The following CLTCL1 variants were observed in gnomAD, a reference collection of about 807,000 sequenced individuals.
CLTCL1 encodes the protein clathrin heavy chain 2.
A neutral mutation model predicts 190.0 loss-of-function variants in CLTCL1; 159 were observed. That is an observed-to-expected ratio of 0.84 (90% CI 0.74 to 0.95). The LOEUF is 0.95. Among genes scored for constraint, CLTCL1 ranks in the 40% least tolerant of loss-of-function variants. The pLI, the probability that CLTCL1 is intolerant of heterozygous loss-of-function variation, is 0.00. For synonymous variants in CLTCL1, 752 were observed against 769.6 expected, an observed-to-expected ratio of 0.98 and a Z score of 0.38; for missense variants, 1,878 against 2,033.4, an observed-to-expected ratio of 0.92 and a Z score of 1.47.
intron 4 of CLTCL1, among the ~76,000 whole-genome samples, chr22:19,242,325 T>C (rs1555965764): frequency 2.0e-5 from 3 of 151,682 alleles, no homozygotes; most frequent in Middle Eastern, 3.4e-3. Context: ...AGTCTCACTG[T>C]GTAGCCCAAG....
chr22:19,265,797 C>T (rs956574293), intron 2 of CLTCL1, among the ~76,000 whole-genome samples: 6 of 152,124 alleles, frequency 3.9e-5, no homozygotes, highest in South Asian at 2.1e-4. Flanking sequence ...GGCAGCTGTG[C>T]GCATGTTCCT....
chr22:19,228,534 A>G (rs1555957263), intron 11 of CLTCL1, among the ~76,000 whole-genome samples: 1 of 152,226 alleles, frequency 6.6e-6, no homozygotes, highest in East Asian at 1.9e-4. Flanking sequence ...GCAAATTAAC[A>G]GTACTTTTAT....
chr22:19,193,242 C>A lies in CLTCL1; in HGVS notation c.4192-1807G>T, dbSNP rs541258016. On this transcript the variant is annotated intron_variant, in intron 26 of 32. Transcript: ENST00000427926. ...CACCTGGTACCATGTGCACTCTTGGCCCTTTCAACAGGTCCATGCAGCATG... is the reference window on the plus strand; with the variant it reads ...CACCTGGTACCATGTGCACTCTTGGACCTTTCAACAGGTCCATGCAGCATG... Among the ~76,000 whole-genome samples, 683 of 152,328 alleles carry A rather than the reference C, an allele frequency of 4.5e-3. 5 individuals carry two copies. The highest frequency in any genetic ancestry group is 7.2e-3 in the Non-Finnish European group (488 of 68,032).
chr22:19,238,665 A>C (rs1270059191), intron 5 of CLTCL1: 1 of 184,336 alleles, frequency 5.4e-6, no homozygotes, highest in African/African-American at 2.3e-5. Context: ...GTGTTTTCCC[A>C]ACCTTCTTGA....
chr22:19,196,793 T>C, intron 24 of CLTCL1, 137 bp from the exon 25 acceptor site: 1 of 926,414 alleles, frequency 1.1e-6, no homozygotes, highest in Non-Finnish European at 1.6e-6. Context: ...AGAAAACGTG[T>C]ATACATACTG....
At chr22:19,235,895 T>A in intron 5 of CLTCL1, 26 bp from the exon 6 acceptor site, 1 of 1,599,474 alleles carries the variant, frequency 6.3e-7, no homozygotes. Flanking sequence ...GAGCAAGAGG[T>A]TGGAAAGTAA....
At chr22:19,285,317 C>G (rs1258521526) in intron 1 of CLTCL1, among the ~76,000 whole-genome samples, 7 of 151,978 alleles carry the variant, frequency 4.6e-5, no homozygotes, top group African/African-American at 9.7e-5. Context: ...TACCAAAGAG[C>G]CTTTCCTAGC....
intron 5 of CLTCL1, among the ~76,000 whole-genome samples, chr22:19,238,248 C>T (rs1296454995): frequency 1.3e-5 from 2 of 152,106 alleles, no homozygotes; most frequent in African/African-American, 4.8e-5. Flanking sequence ...CACCGCCATG[C>T]CCAGTTAATT....
At chr22:19,190,210 G>C (rs1054386111) in intron 27 of CLTCL1, among the ~76,000 whole-genome samples, 2 of 152,260 alleles carry the variant, frequency 1.3e-5, no homozygotes, top group South Asian at 2.1e-4. Flanking sequence ...CACCCACCTT[G>C]GCCTCCCAAA....
At position 19,239,401 on chromosome 22, in the gene CLTCL1, T is replaced by C. The variant is rs2086180004; in HGVS notation, c.682-13A>G. On this transcript the variant is annotated splice_polypyrimidine_tract_variant and intron_variant, in intron 4 of 32. Coordinates refer to ENST00000427926, the MANE Select transcript of CLTCL1 (RefSeq NM_007098.4). ...CAATGATGTGCAACTAGAAGAGAGA[T>C]TTTAGGTCAATCAAGGGGACCGCCT... The C allele has an allele frequency of 6.2e-7, 1 of 1,605,656 alleles. No individual in the cohort carries two copies. The highest frequency in any genetic ancestry group is 8.5e-7 in the Non-Finnish European group (1 of 1,172,334).
intron 27 of CLTCL1, among the ~76,000 whole-genome samples, chr22:19,188,311 TAGAG>T (rs2084381327): frequency 6.6e-6 from 1 of 152,208 alleles, no homozygotes; most frequent in Non-Finnish European, 1.5e-5. Flanking sequence ...ATTCACACCT[TAGAG>T]AGACACATGG....
intron 5 of CLTCL1, chr22:19,238,709 G>T: frequency 6.4e-6 from 1 of 155,480 alleles, no homozygotes; most frequent in East Asian, 1.8e-4. Context: ...CCAGGGGCTT[G>T]GGACTACCTA....
chr22:19,230,936 T>C (rs1555958817), intron 10 of CLTCL1, among the ~76,000 whole-genome samples: 2 of 152,146 alleles, frequency 1.3e-5, no homozygotes, highest in African/African-American at 4.8e-5. Context: ...AAGGAAAGAA[T>C]AGATTTCTTC....
rs188678471 is a variant in CLTCL1 at position 19,224,093 on chromosome 22, C to A, written c.2129-39G>T. 352 of 1,609,010 alleles carry A rather than the reference C, an allele frequency of 2.2e-4. No individual in the cohort carries two copies. In the African/African-American group the frequency reaches 4.2e-3, roughly 19 times the overall value. On this transcript the variant is annotated intron_variant, in intron 13 of 32. Coordinates refer to ENST00000427926, the MANE Select transcript of CLTCL1 (RefSeq NM_007098.4). Reference sequence around the variant, plus strand: ...CCATTCCATTTTTGTCCTTGTAACACCTGCCTGTCTCCTCCGTAGCTGCTG... The same window carrying A: ...CCATTCCATTTTTGTCCTTGTAACAACTGCCTGTCTCCTCCGTAGCTGCTG...
intron 24 of CLTCL1, 119 bp from the exon 25 acceptor site, chr22:19,196,775 A>G: frequency 3.4e-6 from 4 of 1,161,016 alleles, no homozygotes; most frequent in Non-Finnish European, 4.8e-6. Flanking sequence ...CCGAGGAGGC[A>G]TGTGTGAAGA....
intron 1 of CLTCL1, among the ~76,000 whole-genome samples, chr22:19,284,287 A>C (rs554462792): frequency 6.6e-6 from 1 of 152,184 alleles, no homozygotes; most frequent in African/African-American, 2.4e-5. Context: ...CCTTGTGCCT[A>C]GCATATGGAT....
chr22:19,219,422 T>C (rs1316120975), intron 18 of CLTCL1, among the ~76,000 whole-genome samples: 2 of 151,456 alleles, frequency 1.3e-5, no homozygotes, highest in African/African-American at 4.9e-5. Flanking sequence ...TGACCTCAAG[T>C]CATCCACCCG....
Position 19,210,366 on chromosome 22 carries a change from G to C in CLTCL1, c.3209C>G (p.Thr1070Ser), listed in dbSNP as rs925959138. ...VSSALYEEAF[T>S]VFHKFDMNAS... The stretch of plus-strand genomic sequence containing the variant: ...ATTCATATCAAACTTGTGGAAAACG[G>C]TGAAGGCCTCCTCATACAGTGCGCT... Residue 1070 changes from threonine (T) to serine (S), a missense_variant, in exon 20 of 33, where the codon ACC (threonine) becomes AGC (serine). Transcript: ENST00000427926. The C allele has an allele frequency of 1.2e-6, 2 of 1,613,886 alleles. No individual in the cohort carries two copies. Among genetic ancestry groups the C allele is most frequent in the African/African-American group, 2.7e-5 (2 of 74,926 alleles).
In CLTCL1 at chr22:19,208,293, A is replaced by C; in HGVS notation, c.3461T>G (p.Val1154Gly). 6.2e-7 allele frequency: 1 copy of C among 1,613,726 alleles called. No homozygotes were observed. The highest frequency in any genetic ancestry group is 8.5e-7 in the Non-Finnish European group (1 of 1,179,888). Residue 1154 changes from valine (V) to glycine (G), a missense_variant, in exon 22 of 33, where the codon GTT (valine) becomes GGT (glycine). Val to Gly is a moderately radical substitution (Grantham distance 109). Transcript: ENST00000427926. ...TTTCCTGGCCATCTGCAGAAATTTA[A>C]CTAGATCCTCCCAGTTGTCTAAAGA... ...ASRSNNWEDL[V>G]KFLQMARKKG...
Sources: allele counts gnomAD v4.1 joint callset (sites outside exome capture counted in the v4.1 genomes callset), GRCh38; gene constraint gnomAD v4.1.1; transcripts MANE v1.5; gene names NCBI Gene and HGNC (gene_info 2026-07-23, HGNC 2026-07-21).